The following MOSPD1 variants were observed in gnomAD, a reference collection of about 807,000 sequenced individuals.
MOSPD1 encodes the protein motile sperm domain containing 1.
Under a neutral mutation model 16.7 loss-of-function variants are expected in MOSPD1, and 5 were observed. The observed-to-expected ratio is 0.30, with a 90% CI of 0.16 to 0.63. The LOEUF is 0.63. MOSPD1 is among the 30% of genes least tolerant of loss of function. MOSPD1 has a pLI of 0.82. For synonymous variants in MOSPD1, 67 were observed against 59.2 expected (o/e 1.13, Z -0.61); for missense variants, 104 against 153.6 (o/e 0.68, Z 1.71).
intron 1 of MOSPD1, among the ~76,000 whole-genome samples, chrX:134,903,632 A>G (rs1484516108): frequency 1.9e-5 from 2 of 103,809 alleles, no homozygotes; most frequent in African/African-American, 7.3e-5. Context: ...AAATCACTGG[A>G]ACCCGGCAGG....
At chrX:134,910,405 A>C (rs2082965027) in intron 1 of MOSPD1, among the ~76,000 whole-genome samples, 1 of 102,358 alleles carries the variant, frequency 9.8e-6, no homozygotes, top group Admixed American at 1.1e-4. Context: ...ACTCTGTCTC[A>C]AAAAAAAAAA....
intron 3 of MOSPD1, 144 bp downstream of exon 3, chrX:134,898,946 C>T (rs925112888): frequency 3.1e-5 from 15 of 482,476 alleles, no homozygotes; most frequent in African/African-American, 1.9e-4. Flanking sequence ...GAAACAATTT[C>T]GATAGACAAA....
At chrX:134,913,380 T>A (rs1294055192) in intron 1 of MOSPD1, among the ~76,000 whole-genome samples, 2 of 111,359 alleles carry the variant, frequency 1.8e-5, no homozygotes, top group East Asian at 2.8e-4. Context: ...TCTCAAAAAA[T>A]ATATATATTT....
At chrX:134,893,670 G>A (rs1407532421) in intron 4 of MOSPD1, among the ~76,000 whole-genome samples, 1 of 110,458 alleles carries the variant, frequency 9.1e-6, no homozygotes, top group Non-Finnish European at 1.9e-5. Flanking sequence ...CATAAATAAG[G>A]CCATATTATA....
At chrX:134,902,390 C>CATAA (rs763157635) in intron 1 of MOSPD1, among the ~76,000 whole-genome samples, 14,659 of 99,421 alleles carry the variant, frequency 0.15, 987 homozygotes, top group East Asian at 0.24. Context: ...AATTCCGTCT[C>CATAA]ATAAATAAAT....
At chrX:134,898,236 T>C (rs2082895671) in intron 3 of MOSPD1, among the ~76,000 whole-genome samples, 1 of 111,645 alleles carries the variant, frequency 9.0e-6, no homozygotes, top group Admixed American at 9.6e-5. Flanking sequence ...TTGTTCGTAC[T>C]AGGGAACACA....
chrX:134,897,097 G>A (rs2082888853), intron 3 of MOSPD1, 63 bp from the exon 4 acceptor site: 2 of 774,984 alleles, frequency 2.6e-6, no homozygotes, highest in South Asian at 4.9e-5. Context: ...ACAGAAGGCA[G>A]TGAGATATTT....
At chrX:134,889,899 C>T (rs191777389) in intron 5 of MOSPD1, among the ~76,000 whole-genome samples, 106 of 109,907 alleles carry the variant, frequency 9.6e-4, no homozygotes, top group East Asian at 3.7e-3. Flanking sequence ...GGCAAAACCC[C>T]GTCTCTACTA....
rs778914515 is a variant in MOSPD1 at position 134,896,908 on chromosome X, T to A, written c.357A>T (p.Pro119=). The change falls in exon 4 of 6, where the codon CCA becomes CCT. Residue 119 remains proline, a synonymous_variant. Transcript: ENST00000370783. ...CTTCCTTTTGTTGTTCTTTTGCTGATGGGAGAAGAGTAGCAACAACCTCTT... is the reference window on the plus strand; with the variant it reads ...CTTCCTTTTGTTGTTCTTTTGCTGAAGGGAGAAGAGTAGCAACAACCTCTT... The part of the protein sequence containing the change: ...GRKEVVATLL[P]SAKEQQKEEE... 4 of 1,207,771 alleles carry A rather than the reference T, an allele frequency of 3.3e-6. No individual in the cohort carries two copies. The highest frequency in any genetic ancestry group is 4.5e-6 in the Non-Finnish European group (4 of 893,190).
At chrX:134,908,002 A>G (rs998312687) in intron 1 of MOSPD1, among the ~76,000 whole-genome samples, 3 of 112,329 alleles carry the variant, frequency 2.7e-5, no homozygotes, top group African/African-American at 6.5e-5. Flanking sequence ...TGAACTCCTG[A>G]ACTGAAGCAA....
At chrX:134,903,646 A>T (rs1483908640) in intron 1 of MOSPD1, among the ~76,000 whole-genome samples, 1 of 97,659 alleles carries the variant, frequency 1.0e-5, no homozygotes, top group African/African-American at 4.0e-5. Context: ...CGGCAGGTGG[A>T]GCTTGCAGTG....
intron 1 of MOSPD1, among the ~76,000 whole-genome samples, chrX:134,910,518 A>G (rs1192951456): frequency 8.9e-6 from 1 of 112,226 alleles, no homozygotes; most frequent in Admixed American, 9.5e-5. Flanking sequence ...TCAGCCTTCC[A>G]AAAACTCAGA....
rs377290832 is a variant in MOSPD1, at chrX:134,899,061, C to T, written c.230+29G>A. 15 of 1,068,445 alleles carry T rather than the reference C, an allele frequency of 1.4e-5. No homozygotes were observed. The East Asian group carries it at 1.8e-4, about 13-fold the overall frequency. The allele number at this position is 1,068,445 out of a possible 1,213,427, so 88.1% of individuals were successfully genotyped here. On this transcript the variant is annotated intron_variant, in intron 3 of 5. Transcript: ENST00000370783. ...AACATAAATATTAACACACTTAAAA[C>T]GTGTTACCAGGAATTGATCTTGACT...
intron 1 of MOSPD1, among the ~76,000 whole-genome samples, chrX:134,901,555 C>G (rs770290242): frequency 1.1e-4 from 12 of 109,175 alleles, no homozygotes; most frequent in African/African-American, 4.0e-4. Flanking sequence ...GAGGCTGAGG[C>G]AGGAGAACCA....
chrX:134,914,556 C>T (rs1042862216), intron 1 of MOSPD1, among the ~76,000 whole-genome samples: 1 of 111,185 alleles, frequency 9.0e-6, no homozygotes, highest in Non-Finnish European at 1.9e-5. Context: ...GGGAAGGATA[C>T]AGGCCACGCA....
At chrX:134,899,588 A>C in intron 1 of MOSPD1, 54 bp from the exon 2 acceptor site, 1 of 506,625 alleles carries the variant, frequency 2.0e-6, no homozygotes, top group Non-Finnish European at 3.1e-6. Flanking sequence ...AATTTTCATT[A>C]ATCTATAGCC....
intron 1 of MOSPD1, among the ~76,000 whole-genome samples, chrX:134,905,202 A>G (rs1482180083): frequency 3.9e-5 from 4 of 103,385 alleles, no homozygotes; most frequent in Non-Finnish European, 7.7e-5. Context: ...TACTAAAAAT[A>G]CAAAAAAAAA....
chrX:134,892,511 T>A (rs1371388197), intron 4 of MOSPD1, among the ~76,000 whole-genome samples: 1 of 112,467 alleles, frequency 8.9e-6, no homozygotes, highest in Non-Finnish European at 1.9e-5. Flanking sequence ...ACTCGACAAT[T>A]GTTCCCACAT....
chrX:134,893,526 T>C (rs1290173946), intron 4 of MOSPD1, among the ~76,000 whole-genome samples: 10 of 112,006 alleles, frequency 8.9e-5, no homozygotes, highest in Admixed American at 7.6e-4. Flanking sequence ...CGTTGTAAAA[T>C]ATGTTATAAA....
Sources: gnomAD v4.1 joint callset for allele counts (sites outside exome capture counted in the v4.1 genomes callset) on GRCh38, gnomAD v4.1.1 for gene constraint, MANE v1.5 for transcripts, NCBI Gene and HGNC (gene_info 2026-07-23, HGNC 2026-07-21) for gene names.